NEDD9: variants seen among roughly 807,000 people sequenced by gnomAD.
NEDD9 encodes the protein enhancer of filamentation 1.
A neutral mutation model predicts 76.6 loss-of-function variants in NEDD9; 26 were observed. The observed-to-expected ratio is 0.34, with a 90% CI of 0.25 to 0.47. NEDD9 has a LOEUF of 0.47. Ranked by LOEUF, NEDD9 falls within the 20% of genes least tolerant of loss-of-function variation. NEDD9 has a pLI of 1.00. For synonymous variants in NEDD9, 392 were observed against 414.2 expected (o/e 0.95, Z 0.65); for missense variants, 937 against 1,058.5 (o/e 0.89, Z 1.59).
chr6:11,351,685 G>A (rs546973814), intron 1 of NEDD9, among the ~76,000 whole-genome samples: 18 of 152,262 alleles, frequency 1.2e-4, no homozygotes, highest in Admixed American at 1.0e-3. Flanking sequence ...CGCTTTGCTC[G>A]GTCATGCCTC....
intron 2 of NEDD9, among the ~76,000 whole-genome samples, chr6:11,321,766 G>T (rs188160106): frequency 5.9e-4 from 90 of 152,280 alleles, no homozygotes; most frequent in Admixed American, 1.6e-3. Flanking sequence ...CCAACTTAAG[G>T]CTGATCCAGG....
Position 11,354,213 on chromosome 6 carries a change from T to A in NEDD9, c.-213-19652A>T, listed in dbSNP as rs147333249. On this transcript the variant is annotated intron_variant, in intron 1 of 3. Transcript: ENST00000397378. ...AAAGAAAGAGCTCTGGGGCTATTTA[T>A]TCTTTGTGTACAGGACGCATTGAAG... is the stretch of plus-strand genomic sequence containing the variant. Among the ~76,000 whole-genome samples the A allele has an allele frequency of 5.2e-3, 793 of 152,342 alleles. 5 individuals are homozygous for A. Among genetic ancestry groups the A allele is most frequent in the African/African-American group, 0.018 (758 of 41,572 alleles).
chr6:11,196,695 C>T (rs1020801120), intron 2 of NEDD9, among the ~76,000 whole-genome samples: 1 of 152,056 alleles, frequency 6.6e-6, no homozygotes, highest in Non-Finnish European at 1.5e-5. Flanking sequence ...ATACAGCACC[C>T]CCCGCCCGCC....
At position 11,374,893 on chromosome 6, in the gene NEDD9, A is replaced by C. The variant is rs113491759; in HGVS notation, c.-214+7246T>G. On this transcript the variant is annotated intron_variant, in intron 1 of 3. Transcript: ENST00000397378. The stretch of plus-strand genomic sequence containing the variant: ...CCCAGTCACAAATTGTCTGTCCAGG[A>C]AGATTCTTTTTTTTCTTTTTGTTTT... Among the ~76,000 whole-genome samples, 1,516 of 152,300 alleles carry C rather than the reference A, an allele frequency of 1.0e-2. 32 individuals carry two copies. Among genetic ancestry groups the C allele is most frequent in the African/African-American group, 0.035 (1,440 of 41,542 alleles).
chr6:11,296,677 T>TCC lies in NEDD9; in HGVS notation c.12+9314_12+9315insGG, dbSNP rs767341739. 9.3e-3 allele frequency among the ~76,000 whole-genome samples: 594 copies of TCC among 64,068 alleles called. 2 individuals are homozygous for TCC. Among genetic ancestry groups the TCC allele is most frequent in the African/African-American group, 0.026 (317 of 12,168 alleles). The allele number at this position is 64,068 out of a possible 152,430, so 42.0% of individuals were successfully genotyped here. On this transcript the variant is annotated intron_variant, in intron 3 of 3. Coordinates refer to the NEDD9 transcript ENST00000397378. ...TTCCTTTCCTTTCCTTTCCTTTCCT[T>TCC]TCCCTTCCTTCCTTCCTTCCTTCCT... is the stretch of plus-strand genomic sequence containing the variant.
At chr6:11,275,818 G>A (rs1760405113) in intron 3 of NEDD9, among the ~76,000 whole-genome samples, 1 of 152,118 alleles carries the variant, frequency 6.6e-6, no homozygotes, top group South Asian at 2.1e-4. Flanking sequence ...CTCAGCATTG[G>A]ACTTTTGCTT....
chr6:11,216,563 T>C (rs138658790), intron 1 of NEDD9, among the ~76,000 whole-genome samples: 1 of 152,252 alleles, frequency 6.6e-6, no homozygotes, highest in Non-Finnish European at 1.5e-5. Flanking sequence ...TCCTTGTTAC[T>C]GGGCTCAGTT....
Position 11,185,681 on chromosome 6 carries a change from A to G in NEDD9, c.1996-10T>C, listed in dbSNP as rs775659499. ...GCTGGAACTGGCTCAGCTGCAAGGA[A>G]GACGAAAGCAGATCTCATTAGAGCA... On this transcript the variant is annotated splice_polypyrimidine_tract_variant and intron_variant, in intron 6 of 6. Coordinates refer to ENST00000379446, the MANE Select transcript of NEDD9 (RefSeq NM_006403.4). 3 of 1,613,728 alleles carry G rather than the reference A, an allele frequency of 1.9e-6. No individual in the cohort carries two copies. Among genetic ancestry groups the G allele is most frequent in the Non-Finnish European group, 2.5e-6 (3 of 1,179,902 alleles).
At chr6:11,364,231 C>A (rs556864893) in intron 1 of NEDD9, among the ~76,000 whole-genome samples, 60 of 152,304 alleles carry the variant, frequency 3.9e-4, no homozygotes, top group African/African-American at 1.3e-3. Flanking sequence ...ACATTTCATA[C>A]CTGTCATAAC....
intron 2 of NEDD9, among the ~76,000 whole-genome samples, chr6:11,195,154 G>C (rs565231216): frequency 6.6e-6 from 1 of 152,224 alleles, no homozygotes; most frequent in Non-Finnish European, 1.5e-5. Flanking sequence ...ATGCACCAAT[G>C]CCTTCTCCCC....
chr6:11,337,337 G>T (rs1051030118), intron 1 of NEDD9, among the ~76,000 whole-genome samples: 6 of 152,136 alleles, frequency 3.9e-5, no homozygotes, highest in Admixed American at 1.3e-4. Flanking sequence ...CTAAAATAAT[G>T]ATTAAAAGTA....
intron 1 of NEDD9, among the ~76,000 whole-genome samples, chr6:11,345,408 T>C (rs970557996): frequency 2.6e-5 from 4 of 152,120 alleles, no homozygotes; most frequent in Non-Finnish European, 5.9e-5. Flanking sequence ...CTGTCTTGGT[T>C]CTCAGGACAG....
At chr6:11,340,454 T>A (rs1762250105) in intron 1 of NEDD9, among the ~76,000 whole-genome samples, 1 of 152,222 alleles carries the variant, frequency 6.6e-6, no homozygotes, top group Non-Finnish European at 1.5e-5. Context: ...GCACCAGGTA[T>A]AATTTAGAGA....
intron 1 of NEDD9, among the ~76,000 whole-genome samples, chr6:11,337,327 C>A (rs1762182238): frequency 6.6e-6 from 1 of 152,168 alleles, no homozygotes; most frequent in South Asian, 2.1e-4. Flanking sequence ...ATTGTACACT[C>A]TAAAATAATG....
intron 3 of NEDD9, among the ~76,000 whole-genome samples, chr6:11,279,811 C>T (rs1195728727): frequency 6.6e-6 from 1 of 152,228 alleles, no homozygotes; most frequent in Non-Finnish European, 1.5e-5. Context: ...CCTGAAACTC[C>T]ATTGCTGCTT....
At chr6:11,305,855 A>C (rs748459901) in intron 3 of NEDD9, 26 of 1,063,876 alleles carry the variant, frequency 2.4e-5, no homozygotes, top group Non-Finnish European at 3.5e-5. Context: ...TAAACTTAAC[A>C]GTATTTTCCC....
At chr6:11,245,944 T>G (rs1248080930) in intron 3 of NEDD9, among the ~76,000 whole-genome samples, 3 of 88,082 alleles carry the variant, frequency 3.4e-5, no homozygotes, top group Non-Finnish European at 8.8e-5. Flanking sequence ...CATGGTTTAG[T>G]TTTTTTTTTT....
chr6:11,268,835 A>G (rs917176822), intron 3 of NEDD9, among the ~76,000 whole-genome samples: 5 of 152,178 alleles, frequency 3.3e-5, no homozygotes, highest in Admixed American at 6.5e-5. Flanking sequence ...TGGGAGAACT[A>G]TATCATATCC....
intron 3 of NEDD9, among the ~76,000 whole-genome samples, chr6:11,238,915 T>C (rs537690664): frequency 7.2e-5 from 11 of 152,204 alleles, no homozygotes; most frequent in Non-Finnish European, 1.6e-4. Context: ...ATCCTAGCAC[T>C]TTGGTTGGCC....
Sources: allele counts gnomAD v4.1 joint callset (sites outside exome capture counted in the v4.1 genomes callset), GRCh38; gene constraint gnomAD v4.1.1; transcripts MANE v1.5; gene names NCBI Gene and HGNC (gene_info 2026-07-23, HGNC 2026-07-21).